Variants in NOX4 observed in about 807,000 individuals in gnomAD.
NOX4 encodes the protein kidney oxidase-1.
Under a neutral mutation model 87.6 loss-of-function variants are expected in NOX4, and 69 were observed. The observed-to-expected ratio is 0.79, with a 90% CI of 0.65 to 0.96. NOX4 has a LOEUF of 0.96. Ranked by LOEUF, NOX4 falls within the 40% of genes least tolerant of loss-of-function variation. The pLI, the probability that NOX4 is intolerant of heterozygous loss-of-function variation, is 0.00. For synonymous variants in NOX4, 275 were observed against 238.2 expected, an observed-to-expected ratio of 1.15 and a Z score of -1.42; for missense variants, 680 against 681.5, an observed-to-expected ratio of 1.00 and a Z score of 0.02.
chr11:89,392,004 C>T (rs1313228378), intron 11 of NOX4, among the ~76,000 whole-genome samples: 8 of 150,880 alleles, frequency 5.3e-5, no homozygotes, highest in Admixed American at 4.6e-4. Flanking sequence ...CTCCTGTGCC[C>T]CCTCTCCCGA....
intron 17 of NOX4, among the ~76,000 whole-genome samples, chr11:89,328,905 C>A (rs1200771837): frequency 6.6e-6 from 1 of 152,002 alleles, no homozygotes; most frequent in African/African-American, 2.4e-5. Context: ...AAGAACATAG[C>A]CATCTGCAAG....
intron 7 of NOX4, among the ~76,000 whole-genome samples, chr11:89,426,022 T>G (rs1450980286): frequency 4.6e-5 from 7 of 152,164 alleles, no homozygotes; most frequent in Non-Finnish European, 1.0e-4. Context: ...TCTGAAAAAC[T>G]GAATGTGTCC....
chr11:89,486,526 ATGTGTATATATACATATATG>A (rs1565348975), intron 2 of NOX4, among the ~76,000 whole-genome samples: 12 of 146,224 alleles, frequency 8.2e-5, no homozygotes, highest in Non-Finnish European at 4.5e-5. Context: ...ATACATATAT[ATGTGTATATATACATATATG>A]TGTGTATATA....
chr11:89,429,233 A>T (rs1943636193), intron 7 of NOX4, among the ~76,000 whole-genome samples: 1 of 152,196 alleles, frequency 6.6e-6, no homozygotes, highest in African/African-American at 2.4e-5. Flanking sequence ...AATTTATAGC[A>T]CTAAATGTCC....
chr11:89,410,498 C>T (rs908960653), intron 8 of NOX4, among the ~76,000 whole-genome samples: 4 of 152,172 alleles, frequency 2.6e-5, no homozygotes, highest in African/African-American at 9.7e-5. Context: ...CTCCTATCCC[C>T]AGAACCACTA....
chr11:89,472,365 T>C (rs1313824906), intron 2 of NOX4, among the ~76,000 whole-genome samples: 3 of 152,084 alleles, frequency 2.0e-5, no homozygotes, highest in Admixed American at 6.6e-5. Flanking sequence ...ATAATCTGCT[T>C]TTTTTTCCTT....
chr11:89,340,755 T>C (rs1352715426), intron 14 of NOX4, among the ~76,000 whole-genome samples: 1 of 152,180 alleles, frequency 6.6e-6, no homozygotes, highest in Non-Finnish European at 1.5e-5. Flanking sequence ...ATTTATAAAG[T>C]AGGCTTGAGG....
intron 13 of NOX4, among the ~76,000 whole-genome samples, chr11:89,347,132 G>T (rs1238315748): frequency 6.6e-6 from 1 of 152,170 alleles, no homozygotes; most frequent in South Asian, 2.1e-4. Context: ...TATGTATACT[G>T]TGGAAAATCT....
At chr11:89,457,526 T>G (rs1945260476) in intron 2 of NOX4, among the ~76,000 whole-genome samples, 1 of 151,906 alleles carries the variant, frequency 6.6e-6, no homozygotes, top group Non-Finnish European at 1.5e-5. Context: ...ATTCCTAACC[T>G]CAAAGGGCCA....
chr11:89,545,043 A>T, the NOX4 span: 1 of 152,136 alleles, frequency 6.6e-6, no homozygotes, highest in Admixed American at 6.5e-5. Context: ...TATTTAGATT[A>T]GCTAGTAATT....
chr11:89,487,915 A>G (rs1021214429), intron 2 of NOX4, among the ~76,000 whole-genome samples: 1 of 152,202 alleles, frequency 6.6e-6, no homozygotes, highest in Non-Finnish European at 1.5e-5. Context: ...ATAAAATTAA[A>G]CACTACTTCA....
intron 11 of NOX4, among the ~76,000 whole-genome samples, chr11:89,386,858 A>C (rs967803943): frequency 6.6e-6 from 1 of 152,132 alleles, no homozygotes; most frequent in Non-Finnish European, 1.5e-5. Flanking sequence ...CCCAATTCTT[A>C]GTCCTTTAAT....
At chr11:89,438,882 AATATATTATATATTAT>A (rs1944302799) in intron 6 of NOX4, among the ~76,000 whole-genome samples, 9 of 51,674 alleles carry the variant, frequency 1.7e-4, no homozygotes, top group Non-Finnish European at 2.7e-4. Flanking sequence ...TATAATATAT[AATATATTATATATTAT>A]ATATATAATA....
At chr11:89,537,996 A>G in the NOX4 span, among the ~76,000 whole-genome samples, 9 of 152,156 alleles carry the variant, frequency 5.9e-5, no homozygotes, top group African/African-American at 1.9e-4. Flanking sequence ...GGTTGGAACA[A>G]CTAGTGCTTT....
chr11:89,360,564 G>A (rs1591019587), intron 12 of NOX4, among the ~76,000 whole-genome samples: 2 of 152,192 alleles, frequency 1.3e-5, no homozygotes, highest in Admixed American at 6.6e-5. Flanking sequence ...GAGAGCCTGA[G>A]TTCTTGACCT....
the NOX4 span, among the ~76,000 whole-genome samples, chr11:89,547,439 A>T: frequency 6.6e-6 from 1 of 152,162 alleles, no homozygotes; most frequent in Non-Finnish European, 1.5e-5. Flanking sequence ...AAGACAATAA[A>T]CTGGTGAGAT....
At chr11:89,581,724 T>C in the NOX4 span, among the ~76,000 whole-genome samples, 2 of 152,170 alleles carry the variant, frequency 1.3e-5, no homozygotes, top group African/African-American at 4.8e-5. Flanking sequence ...ATAATCTACA[T>C]ACAAAATGCT....
intron 7 of NOX4, among the ~76,000 whole-genome samples, chr11:89,426,909 C>A (rs143805709): frequency 6.6e-6 from 1 of 152,182 alleles, no homozygotes; most frequent in African/African-American, 2.4e-5. Flanking sequence ...GATCTGAGAA[C>A]GGACAGACTG....
At chr11:89,426,678 G>A (rs189176088) in intron 7 of NOX4, among the ~76,000 whole-genome samples, 1 of 152,096 alleles carries the variant, frequency 6.6e-6, no homozygotes, top group African/African-American at 2.4e-5. Flanking sequence ...CTTGGGGAGG[G>A]GCGCCCACCA....
Sources: allele counts gnomAD v4.1 joint callset (sites outside exome capture counted in the v4.1 genomes callset), GRCh38; gene constraint gnomAD v4.1.1; transcripts MANE v1.5; gene names NCBI Gene and HGNC (gene_info 2026-07-23, HGNC 2026-07-21).